EMC3: variants seen among roughly 807,000 people sequenced by gnomAD.
The protein encoded by EMC3 is 30 kDa protein.
In EMC3, 13 loss-of-function variants were observed where a neutral mutation model predicts 36.6. That is an observed-to-expected ratio of 0.35 (90% CI 0.23 to 0.56). The LOEUF is 0.56. EMC3 is among the 20% of genes least tolerant of loss of function. The pLI, the probability that EMC3 is intolerant of heterozygous loss-of-function variation, is 0.84. For synonymous variants in EMC3, 120 were observed against 111.9 expected (o/e 1.07, Z -0.46); for missense variants, 220 against 324.5 (o/e 0.68, Z 2.47).
rs2085711971 is a variant in EMC3 at position 9,963,848 on chromosome 3, G to C, written c.*221C>G. 3 of 556,122 alleles carry C rather than the reference G, an allele frequency of 5.4e-6. No homozygotes were observed. In the East Asian group the frequency reaches 1.1e-4, roughly 21 times the overall value. 34.4% of individuals were successfully genotyped at this position (556,122 alleles called of 1,614,324 possible). A position where few individuals can be genotyped will look rare whatever the true frequency, so the allele number is the denominator to read the frequency against. ...CTTTCATTACTAGAGTCACCAGAAGGAACATTTACAACATTTTAAAAATAA... is the reference window on the plus strand; with the variant it reads ...CTTTCATTACTAGAGTCACCAGAAGCAACATTTACAACATTTTAAAAATAA... On this transcript the variant is annotated 3_prime_UTR_variant, in exon 8 of 8. Coordinates refer to ENST00000245046, the MANE Select transcript of EMC3 (RefSeq NM_001394674.1).
chr3:9,986,525 T>C lies in EMC3; in HGVS notation c.137A>G (p.Gln46Arg), dbSNP rs531787066. Residue 46 changes from glutamine to arginine, a missense_variant, in exon 1 of 8, where the codon CAG becomes CGG. Physicochemically the swap from Gln to Arg is conservative, Grantham distance 43. Coordinates refer to ENST00000245046, the MANE Select transcript of EMC3 (RefSeq NM_001394674.1). ...ILLQSDKKLT[Q>R]EQVSDSQVLI... ...CGCTGACCTGTCAGATACTTGTTCC[T>C]GGGTGAGCTTCTTGTCGCTCTGCAG... The C allele has an allele frequency of 6.2e-6, 10 of 1,614,202 alleles. No homozygotes were observed. In the African/African-American group the frequency reaches 1.2e-4, roughly 19 times the overall value.
intron 3 of EMC3, among the ~76,000 whole-genome samples, chr3:9,974,858 T>C (rs954188537): frequency 1.3e-5 from 1 of 75,038 alleles, no homozygotes; most frequent in East Asian, 3.1e-4. Context: ...GCACCCAGCG[T>C]TTTTTTTTTT....
Position 10,003,075 on chromosome 3 carries a change from C to T in EMC3, c.-242+7948G>A, listed in dbSNP as rs188967313. On this transcript the variant is annotated intron_variant, in intron 1 of 8. Transcript: ENST00000470827. ...CCCAGCATGACCCTGTGGCCTACCCCTATACCCAGAGCAACAGCAGCAGTG... is the reference window on the plus strand; with the variant it reads ...CCCAGCATGACCCTGTGGCCTACCCTTATACCCAGAGCAACAGCAGCAGTG... 2.9e-3 allele frequency: 1,338 copies of T among 456,794 alleles called. 16 individuals carry two copies. Among genetic ancestry groups the T allele is most frequent in the Admixed American group, 0.015 (655 of 42,580 alleles). 28.3% of individuals were successfully genotyped at this position (456,794 alleles called of 1,614,324 possible).
upstream of EMC3, among the ~76,000 whole-genome samples, chr3:9,988,969 T>TA (rs2086012280): frequency 6.6e-6 from 1 of 151,624 alleles, no homozygotes; most frequent in African/African-American, 2.4e-5. Flanking sequence ...AAGCCTACAG[T>TA]ATCCACAAGG....
chr3:9,996,438 C>CT (rs1175949374), intron 1 of EMC3, among the ~76,000 whole-genome samples: 4 of 152,068 alleles, frequency 2.6e-5, no homozygotes, highest in Non-Finnish European at 4.4e-5. Flanking sequence ...GAGTGAGACT[C>CT]TATCTCAAAA....
intron 3 of EMC3, 149 bp downstream of exon 3, chr3:9,976,808 C>T (rs892596724): frequency 2.6e-5 from 17 of 656,112 alleles, no homozygotes; most frequent in Admixed American, 1.3e-4. Context: ...TTCCATAGAT[C>T]CCTGTATCAG....
At position 9,976,530 on chromosome 3, in the gene EMC3, G is replaced by C. The variant is rs553564025; in HGVS notation, c.307+427C>G. ...GTCTAACAACAAAGTCAACAAAATG[G>C]CACATCTTGGAAGTACTGCACTCTT... On this transcript the variant is annotated intron_variant, in intron 3 of 7. Transcript: ENST00000245046. 1.7e-4 allele frequency among the ~76,000 whole-genome samples: 26 copies of C among 152,274 alleles called. No individual in the cohort carries two copies. The South Asian group carries it at 5.4e-3, about 32-fold the overall frequency.
intron 1 of EMC3, among the ~76,000 whole-genome samples, chr3:9,979,726 T>C (rs1306269162): frequency 6.6e-6 from 1 of 152,192 alleles, no homozygotes; most frequent in Non-Finnish European, 1.5e-5. Flanking sequence ...ATGGATGGTA[T>C]TGCAAGAGTG....
rs1359997362 is a variant in EMC3, at chr3:9,963,429, C to T, written c.*640G>A. ...TAGCTATAATTAACAATGCTTCCTT[C>T]GAAGACTGGGCTTCTGCTAAGATAG... On this transcript the variant is annotated 3_prime_UTR_variant, in exon 8 of 8. Transcript: ENST00000245046. 10 of 129,438 alleles carry T rather than the reference C, an allele frequency of 7.7e-5. No individual in the cohort carries two copies. Among genetic ancestry groups the T allele is most frequent in the Non-Finnish European group, 1.1e-4 (7 of 62,016 alleles). The allele number at this position is 129,438 out of a possible 1,614,324, so 8.0% of individuals were successfully genotyped here.
chr3:9,970,708 A>C (rs1286807197), intron 5 of EMC3, 47 bp from the exon 6 acceptor site: 13 of 1,591,382 alleles, frequency 8.2e-6, no homozygotes, highest in Non-Finnish European at 1.1e-5. Flanking sequence ...TATATCAGAG[A>C]GTAATGCAGT....
rs370575577 is a variant in EMC3 at position 10,008,320 on chromosome 3, G to A, written c.-242+2703C>T. ...CCAGGGCTTCCAGCCCATAGAGCTGGGCTGGGTCAAGGGACTATAGGGAAG... is the reference window on the plus strand; with the variant it reads ...CCAGGGCTTCCAGCCCATAGAGCTGAGCTGGGTCAAGGGACTATAGGGAAG... On this transcript the variant is annotated intron_variant, in intron 1 of 8. Transcript: ENST00000470827. 105 of 1,075,094 alleles carry A rather than the reference G, an allele frequency of 9.8e-5. 1 individual carries two copies. In the South Asian group the frequency reaches 1.3e-3, roughly 13 times the overall value. 66.6% of individuals were successfully genotyped at this position (1,075,094 alleles called of 1,614,324 possible).
chr3:9,969,628 C>A (rs757909778), intron 7 of EMC3, 91 bp downstream of exon 7: 21 of 1,596,610 alleles, frequency 1.3e-5, no homozygotes, highest in Non-Finnish European at 1.7e-5. Context: ...TGGAACCACA[C>A]AACACTCCCT....
chr3:9,976,837 G>A, intron 3 of EMC3, 120 bp downstream of exon 3: 1 of 721,468 alleles, frequency 1.4e-6, no homozygotes, highest in South Asian at 1.8e-5. Context: ...TAAGGTCTAA[G>A]ATTACTATCT....
At chr3:9,969,451 C>T (rs1163811844) in intron 7 of EMC3, 4 of 1,343,650 alleles carry the variant, frequency 3.0e-6, no homozygotes, top group East Asian at 3.3e-5. Flanking sequence ...TTACCTGGCA[C>T]CTCCGATTGG....
Position 9,986,801 on chromosome 3 carries a change from C to G in EMC3, c.-140G>C. On this transcript the variant is annotated 5_prime_UTR_variant, in exon 1 of 8. Coordinates refer to ENST00000245046, the MANE Select transcript of EMC3 (RefSeq NM_001394674.1). The stretch of plus-strand genomic sequence containing the variant: ...CCAGAACTCTCCTGCGACTGTGAGC[C>G]GAGCTTACTGCCTTCAGCTGGGCTG... 4 of 1,453,362 alleles carry G rather than the reference C, an allele frequency of 2.8e-6. No homozygotes were observed. The highest frequency in any genetic ancestry group is 3.6e-6 in the Non-Finnish European group (4 of 1,101,614). 90.0% of individuals were successfully genotyped at this position (1,453,362 alleles called of 1,614,324 possible). A position where few individuals can be genotyped will look rare whatever the true frequency, so the allele number is the denominator to read the frequency against.
At chr3:9,998,366 AAATAATAATAATAATAAT>A (rs35879571) in intron 1 of EMC3, among the ~76,000 whole-genome samples, 7 of 137,386 alleles carry the variant, frequency 5.1e-5, no homozygotes, top group South Asian at 2.4e-4. Flanking sequence ...ACTCTGTCTC[AAATAATAATAATAATAAT>A]AATAATAATA....
intron 5 of EMC3, among the ~76,000 whole-genome samples, chr3:9,972,256 C>G (rs535294524): frequency 6.6e-6 from 1 of 151,964 alleles, no homozygotes; most frequent in Non-Finnish European, 1.5e-5. Context: ...AACTTCCACT[C>G]CCATAAGCTC....
chr3:9,975,588 G>A (rs13433825), intron 3 of EMC3, among the ~76,000 whole-genome samples: 5 of 151,874 alleles, frequency 3.3e-5, no homozygotes, highest in South Asian at 2.1e-4. Flanking sequence ...CAAGGCGGGC[G>A]GATCACGAGG....
At chr3:9,978,543 TG>T (rs1265986144) in intron 1 of EMC3, among the ~76,000 whole-genome samples, 1 of 151,756 alleles carries the variant, frequency 6.6e-6, no homozygotes, top group Non-Finnish European at 1.5e-5. Context: ...AACCTGTGCT[TG>T]GTAGGGGCCA....
Sources: gnomAD v4.1 joint callset for allele counts (sites outside exome capture counted in the v4.1 genomes callset) on GRCh38, gnomAD v4.1.1 for gene constraint, MANE v1.5 for transcripts, NCBI Gene and HGNC (gene_info 2026-07-23, HGNC 2026-07-21) for gene names.